DNAAF8: variants seen among roughly 807,000 people sequenced by gnomAD.
DNAAF8 encodes dynein axonemal-associated protein 1.
In DNAAF8, 61 loss-of-function variants were observed where a neutral mutation model predicts 54.6. The observed-to-expected ratio is 1.12, with a 90% CI of 0.91 to 1.38. The LOEUF is 1.38. Among genes scored for constraint, DNAAF8 ranks in the 40% most tolerant of loss-of-function variants. The pLI is 0.00. For synonymous variants in DNAAF8, 320 were observed against 270.1 expected (o/e 1.18, Z -1.81); for missense variants, 837 against 665.0 (o/e 1.26, Z -2.85).
chr16:4,740,790 C>A, intron 4 of DNAAF8, 131 bp downstream of exon 4: 2 of 1,176,054 alleles, frequency 1.7e-6, no homozygotes, highest in Non-Finnish European at 2.3e-6. Flanking sequence ...ATCCACCATT[C>A]TGTGTACCTG....
chr16:4,747,396 G>A lies in DNAAF8; in HGVS notation c.1334G>A (p.Gly445Glu), dbSNP rs547787494. Residue 445 changes from glycine to glutamate, a missense_variant, in exon 9 of 10, where the codon GGG (glycine) becomes GAG (glutamate). Physicochemically the swap from Gly to Glu is moderately conservative, Grantham distance 98 (BLOSUM62 -2). Transcript: ENST00000299320. ...CAGCAGCTCAGGGCCTTTCAGAAGGGGACAGCCCAGCCCGAGCTGCCTGCC... is the reference window on the plus strand; with the variant it reads ...CAGCAGCTCAGGGCCTTTCAGAAGGAGACAGCCCAGCCCGAGCTGCCTGCC... ...LLQQLRAFQK[G>E]TAQPELPASK... 6.2e-6 allele frequency: 10 copies of A among 1,611,992 alleles called. No homozygotes were observed. The highest frequency in any genetic ancestry group is 1.1e-5 in the South Asian group (1 of 90,998).
intron 1 of DNAAF8, among the ~76,000 whole-genome samples, chr16:4,735,990 G>A (rs778859293): frequency 3.3e-5 from 5 of 151,724 alleles, no homozygotes; most frequent in Non-Finnish European, 5.9e-5. Context: ...CTGTTCCTTG[G>A]TAAAGGGCAG....
intron 5 of DNAAF8, among the ~76,000 whole-genome samples, chr16:4,744,198 T>C (rs1801996432): frequency 2.0e-5 from 3 of 152,188 alleles, no homozygotes; most frequent in Admixed American, 2.0e-4. Context: ...CCCAAAGTGC[T>C]GGGATTACAG....
At position 4,747,577 on chromosome 16, in the gene DNAAF8, G is replaced by T. The variant is rs2082034559; in HGVS notation, c.1515G>T (p.Glu505Asp). 1.9e-6 allele frequency: 3 copies of T among 1,610,604 alleles called. No homozygotes were observed. The African/African-American group carries it at 4.0e-5, about 21-fold the overall frequency. The change falls in exon 9 of 10, where the codon GAG becomes GAT. Residue 505 changes from glutamate (E) to aspartate (D), a missense_variant. Coordinates refer to ENST00000299320, the MANE Select transcript of DNAAF8 (RefSeq NM_139170.3). ...CCAGAGCCCTGGGGGATGTTCCTGA[G>T]CCAGGGGCAGCCAGGGAGGCCCTGA... ...GRPRALGDVPEPGAAREALMP... is the reference protein window; with the variant it reads ...GRPRALGDVPDPGAAREALMP...
At chr16:4,748,493 C>G (rs2082047255) in intron 9 of DNAAF8, 1 of 152,234 alleles carries the variant, frequency 6.6e-6, no homozygotes, top group Admixed American at 6.5e-5. Flanking sequence ...CCTGGAAATG[C>G]TGTCCTGTGT....
At chr16:4,745,546 C>G (rs2082004210) in intron 6 of DNAAF8, among the ~76,000 whole-genome samples, 1 of 152,218 alleles carries the variant, frequency 6.6e-6, no homozygotes, top group East Asian at 1.9e-4. Flanking sequence ...TATGCCTGCC[C>G]TCCCCACACT....
At chr16:4,738,109 T>C (rs1182899781) in intron 3 of DNAAF8, 163 bp downstream of exon 3, 6 of 847,358 alleles carry the variant, frequency 7.1e-6, no homozygotes, top group Non-Finnish European at 8.8e-6. Flanking sequence ...ACATCTAACC[T>C]CCACGCACCT....
chr16:4,739,097 G>A (rs2081928344), intron 3 of DNAAF8, among the ~76,000 whole-genome samples: 1 of 151,972 alleles, frequency 6.6e-6, no homozygotes, highest in Non-Finnish European at 1.5e-5. Flanking sequence ...TCTCCCATCA[G>A]CCCAGCCATT....
rs149199087 is a variant in DNAAF8, at chr16:4,741,672, C to T, written c.783+1013C>T. Among the ~76,000 whole-genome samples the T allele has an allele frequency of 1.6e-3, 239 of 152,126 alleles. 1 individual carries two copies. The highest frequency in any genetic ancestry group is 5.1e-3 in the African/African-American group (211 of 41,490). ...AAAATTAGCCAAGTGTGGTGGTGCG[C>T]GCCTGTAGTCCCACTATTTGGGAGG... On this transcript the variant is annotated intron_variant, in intron 4 of 9. Coordinates refer to ENST00000299320, the MANE Select transcript of DNAAF8 (RefSeq NM_139170.3).
intron 8 of DNAAF8, 89 bp from the exon 9 acceptor site, chr16:4,747,254 G>A (rs1476279116): frequency 3.5e-6 from 5 of 1,438,532 alleles, no homozygotes; most frequent in East Asian, 2.3e-5. Flanking sequence ...TGGGAGCTGG[G>A]CTCATCTGCT....
chr16:4,748,831 G>A lies in DNAAF8; in HGVS notation c.*116G>A, dbSNP rs2082050795. ...GCACAGTAGGGCGCCGGGCCTTTGG[G>A]ACAGTGTCCCAGCTTCCCCTGGGGT... On this transcript the variant is annotated 3_prime_UTR_variant, in exon 10 of 10. Coordinates refer to ENST00000299320, the MANE Select transcript of DNAAF8 (RefSeq NM_139170.3). 2.0e-5 allele frequency: 3 copies of A among 152,360 alleles called. No homozygotes were observed. Among genetic ancestry groups the A allele is most frequent in the Admixed American group, 1.3e-4 (2 of 15,292 alleles). The allele number at this position is 152,360 out of a possible 1,614,324, so 9.4% of individuals were successfully genotyped here. A position where few individuals can be genotyped will look rare whatever the true frequency, so the allele number is the denominator to read the frequency against.
At position 4,736,466 on chromosome 16, in the gene DNAAF8, C is replaced by A; in HGVS notation, c.-49C>A. On this transcript the variant is annotated splice_region_variant and 5_prime_UTR_variant, in exon 2 of 10. Transcript: ENST00000299320. The stretch of plus-strand genomic sequence containing the variant: ...CCATCACCCTGTGTACCCCACAGAG[C>A]TCCCCGGATTATGGTGCACTGAGAA... 6.9e-7 allele frequency: 1 copy of A among 1,455,778 alleles called. No individual in the cohort carries two copies. The allele number at this position is 1,455,778 out of a possible 1,614,324, so 90.2% of individuals were successfully genotyped here. A position where few individuals can be genotyped will look rare whatever the true frequency, so the allele number is the denominator to read the frequency against.
Position 4,743,112 on chromosome 16 carries a change from C to G in DNAAF8, c.853C>G (p.Arg285Gly), listed in dbSNP as rs372568912. ...GGGACAAGAAGACAACCAGGGAAAT[C>G]GTGCACCTGGAACTGTGTGGTGGGC... ...LAGQEDNQGN[R>G]APGTVWWAAD... The change falls in exon 5 of 10, where the codon CGT (arginine) becomes GGT (glycine). Residue 285 changes from arginine to glycine, a missense_variant. Coordinates refer to ENST00000299320, the MANE Select transcript of DNAAF8 (RefSeq NM_139170.3). 3.1e-6 allele frequency: 5 copies of G among 1,612,172 alleles called. No individual in the cohort carries two copies. Among genetic ancestry groups the G allele is most frequent in the Admixed American group, 1.7e-5 (1 of 59,718 alleles).
intron 4 of DNAAF8, 142 bp from the exon 5 acceptor site, chr16:4,742,901 A>C: frequency 2.7e-6 from 2 of 740,242 alleles, no homozygotes; most frequent in Non-Finnish European, 4.7e-6. Flanking sequence ...GCCTATTTGC[A>C]AACTCTGTCA....
intron 1 of DNAAF8, among the ~76,000 whole-genome samples, chr16:4,735,603 A>T (rs2081879663): frequency 6.6e-6 from 1 of 151,740 alleles, no homozygotes; most frequent in African/African-American, 2.4e-5. Flanking sequence ...AGACTCTAAG[A>T]TATAAATGCA....
At chr16:4,743,218 C>A in intron 5 of DNAAF8, 58 bp downstream of exon 5, 1 of 1,284,466 alleles carries the variant, frequency 7.8e-7, no homozygotes, top group Non-Finnish European at 1.1e-6. Flanking sequence ...CTTCCTGGGC[C>A]CCTCAGACAC....
chr16:4,747,110 CTG>C, intron 8 of DNAAF8, 85 bp downstream of exon 8: 1 of 1,346,742 alleles, frequency 7.4e-7, no homozygotes, highest in Non-Finnish European at 1.0e-6. Context: ...CATTTACCGC[CTG>C]TGGTGAGGTC....
In DNAAF8 at chr16:4,747,603, T is replaced by G. The variant is rs1461559990; in HGVS notation, c.1541T>G (p.Met514Arg). The change falls in exon 9 of 10, where the codon ATG becomes AGG. Residue 514 changes from methionine to arginine, a missense_variant. Physicochemically the swap from Met to Arg is moderately conservative, Grantham distance 91 (BLOSUM62 -1). Coordinates refer to ENST00000299320, the MANE Select transcript of DNAAF8 (RefSeq NM_139170.3). ...PEPGAAREALMPPLEQL is the reference protein window; with the variant it reads ...PEPGAAREALRPPLEQL ...CCAGGGGCAGCCAGGGAGGCCCTGA[T>G]GCCTCCTCTGGAGCAACTATAGCTG... is the stretch of plus-strand genomic sequence containing the variant. The G allele has an allele frequency of 1.2e-6, 2 of 1,609,446 alleles. No homozygotes were observed. The highest frequency in any genetic ancestry group is 1.7e-6 in the Non-Finnish European group (2 of 1,178,756).
intron 3 of DNAAF8, among the ~76,000 whole-genome samples, chr16:4,739,265 G>GTTTTTTTTTTTTTGTTTTTTTTTTT (rs2081932035): frequency 7.2e-5 from 5 of 69,026 alleles, no homozygotes; most frequent in East Asian, 5.6e-4. Context: ...ATTTTTTCTT[G>GTTTTTTTTTTTTTGTTTTTTTTTTT]TTTTTTTTTT....
Sources: allele counts gnomAD v4.1 joint callset (sites outside exome capture counted in the v4.1 genomes callset), GRCh38; gene constraint gnomAD v4.1.1; transcripts MANE v1.5; gene names NCBI Gene and HGNC (gene_info 2026-07-23, HGNC 2026-07-21).